The following NRAP variants were observed in gnomAD, a reference collection of about 807,000 sequenced individuals.
NRAP encodes the protein nebulin related anchoring protein.
Under a neutral mutation model 225.9 loss-of-function variants are expected in NRAP, and 189 were observed. The ratio of observed to expected loss-of-function variants is 0.84; its 90% CI spans 0.74 to 0.94. The LOEUF is 0.94. NRAP is among the 40% of genes least tolerant of loss of function. NRAP has a pLI of 0.00. For missense variants in NRAP, 2,176 were observed against 2,168.7 expected (o/e 1.00, Z -0.07); for synonymous variants, 769 against 790.7 (o/e 0.97, Z 0.46).
chr10:113,645,933 G>A lies in NRAP; in HGVS notation c.1002C>T (p.Tyr334=). 2 of 1,516,868 alleles carry A rather than the reference G, an allele frequency of 1.3e-6. No homozygotes were observed. The highest frequency in any genetic ancestry group is 2.1e-5 in the Admixed American group (1 of 46,748). 94.0% of individuals were successfully genotyped at this position (1,516,868 alleles called of 1,614,324 possible). Residue 334 remains tyrosine, a synonymous_variant, in exon 11 of 42, where the codon TAC becomes TAT. Coordinates refer to ENST00000359988, the MANE Select transcript of NRAP (RefSeq NM_198060.4). ...KAHELASDIK[Y]RQDFNKMKGA... is the part of the protein sequence containing the mutation. ...CTTTCATCTTATTGAAGTCCTGCCT[G>A]TATTTTATCTGAAAAAAAAAACACA...
At chr10:113,631,683 A>G in intron 17 of NRAP, 73 bp from the exon 18 acceptor site, 1 of 1,035,640 alleles carries the variant, frequency 9.7e-7, no homozygotes. Flanking sequence ...GGTTTTAACA[A>G]GTGCAAGGGG....
At chr10:113,663,481 C>G in intron 1 of NRAP, 35 bp from the exon 2 acceptor site, 3 of 1,273,250 alleles carry the variant, frequency 2.4e-6, no homozygotes, top group Non-Finnish European at 3.4e-6. Context: ...AGCAATTACC[C>G]TTTTCCCCCC....
At chr10:113,645,247 C>T (rs1035949330) in intron 11 of NRAP, among the ~76,000 whole-genome samples, 1 of 152,198 alleles carries the variant, frequency 6.6e-6, no homozygotes, top group African/African-American at 2.4e-5. Context: ...TGTTGCCTGG[C>T]ACTTTTGAAT....
At chr10:113,610,750 G>A (rs1254681922) in intron 30 of NRAP, among the ~76,000 whole-genome samples, 187 bp from the exon 31 acceptor site, 1 of 152,102 alleles carries the variant, frequency 6.6e-6, no homozygotes, top group Admixed American at 6.6e-5. Flanking sequence ...ATGCTCACTA[G>A]GGGGGAAGCA....
chr10:113,612,242 G>C lies in NRAP; in HGVS notation c.3490C>G (p.Gln1164Glu). 1 of 1,613,878 alleles carries C rather than the reference G, an allele frequency of 6.2e-7. No individual in the cohort carries two copies. Among genetic ancestry groups the C allele is most frequent in the Non-Finnish European group, 8.5e-7 (1 of 1,179,828 alleles). The change falls in exon 30 of 42, where the codon CAG (glutamine) becomes GAG (glutamate). Residue 1164 changes from glutamine to glutamate, a missense_variant. Transcript: ENST00000359988. Reference sequence around the variant, plus strand: ...AGGCCAGGTCTCCTTACCTCACTCTGCAATTTGTGAGCTTTCTTGGCACAG... The same window carrying C: ...AGGCCAGGTCTCCTTACCTCACTCTCCAATTTGTGAGCTTTCTTGGCACAG... ...LSCAKKAHKL[Q>E]SENLYRSDLN...
At position 113,617,548 on chromosome 10, in the gene NRAP, C is replaced by T. The variant is rs752512502; in HGVS notation, c.2880G>A (p.Lys960=). The T allele has an allele frequency of 6.3e-7, 1 of 1,599,500 alleles. No homozygotes were observed. Among genetic ancestry groups the T allele is most frequent in the Non-Finnish European group, 8.6e-7 (1 of 1,166,730 alleles). Reference sequence around the variant, plus strand: ...TCAAAGCATCTGGATGCTGACGGTACTTCTTCTGTTGAGCAGAAAAAGATC... The same window carrying T: ...TCAAAGCATCTGGATGCTGACGGTATTTCTTCTGTTGAGCAGAAAAAGATC... ...KKAGELISEK[K]YRQHPDALKF... is the part of the protein sequence containing the mutation. Residue 960 remains lysine, a synonymous_variant, in exon 26 of 42, where the codon AAG becomes AAA. Coordinates refer to ENST00000359988, the MANE Select transcript of NRAP (RefSeq NM_198060.4).
chr10:113,637,006 CAAAAAAA>C (rs59937257), intron 14 of NRAP, among the ~76,000 whole-genome samples: 1 of 89,266 alleles, frequency 1.1e-5, no homozygotes, highest in African/African-American at 4.3e-5. Flanking sequence ...GACTTCATCT[CAAAAAAA>C]AAAAAAAAAA....
At chr10:113,637,814 C>T (rs1352445043) in intron 14 of NRAP, among the ~76,000 whole-genome samples, 3 of 151,716 alleles carry the variant, frequency 2.0e-5, no homozygotes, top group East Asian at 1.9e-4. Flanking sequence ...CCCAGCTACT[C>T]GGGAGGCTGA....
At chr10:113,598,381 T>C (rs1370904714) in intron 35 of NRAP, among the ~76,000 whole-genome samples, 1 of 151,342 alleles carries the variant, frequency 6.6e-6, no homozygotes, top group African/African-American at 2.4e-5. Context: ...TATATGCTCA[T>C]ATCTAAGCAC....
At position 113,650,138 on chromosome 10, in the gene NRAP, T is replaced by C; in HGVS notation, c.787A>G (p.Arg263Gly). ...TCTTTTTGATATTGTTGATGGTACC[T>C]CACCTGTTTTAAGGCAAAGGACAAA... is the stretch of plus-strand genomic sequence containing the variant. ...KRANELASDV[R>G]YHQQYQKEMR... is the part of the protein sequence containing the mutation. The change falls in exon 9 of 42, where the codon AGG (arginine) becomes GGG (glycine). Residue 263 changes from arginine (R) to glycine (G), a missense_variant. By Grantham distance (125) the Arg-to-Gly change is moderately radical. Coordinates refer to ENST00000359988, the MANE Select transcript of NRAP (RefSeq NM_198060.4). 2 of 1,590,270 alleles carry C rather than the reference T, an allele frequency of 1.3e-6. No homozygotes were observed. The highest frequency in any genetic ancestry group is 1.7e-6 in the Non-Finnish European group (2 of 1,158,754).
Position 113,612,435 on chromosome 10 carries a change from G to T in NRAP, c.3301-4C>A. On this transcript the variant is annotated splice_region_variant and splice_polypyrimidine_tract_variant and intron_variant, in intron 29 of 41. Transcript: ENST00000359988. ...CAAAGCCTTTCTTGTAATTCACCTA[G>T]AGGGGCAGACAGAGCAACAGCAGCT... 6.2e-7 allele frequency: 1 copy of T among 1,613,404 alleles called. No individual in the cohort carries two copies. Among genetic ancestry groups the T allele is most frequent in the South Asian group, 1.1e-5 (1 of 91,036 alleles).
At chr10:113,592,930 TTC>T (rs1846077441) in intron 38 of NRAP, among the ~76,000 whole-genome samples, 1 of 152,238 alleles carries the variant, frequency 6.6e-6, no homozygotes, top group African/African-American at 2.4e-5. Flanking sequence ...CTTTCATTTT[TTC>T]CCTTTTCAAG....
chr10:113,661,677 C>T (rs773453210), intron 3 of NRAP, among the ~76,000 whole-genome samples: 1 of 152,108 alleles, frequency 6.6e-6, no homozygotes, highest in Non-Finnish European at 1.5e-5. Context: ...GACAAAACTC[C>T]ACTATTAGAT....
Position 113,605,216 on chromosome 10 carries a change from C to T in NRAP, c.3916-296G>A, listed in dbSNP as rs567709351. On this transcript the variant is annotated intron_variant, in intron 34 of 41. Transcript: ENST00000359988. ...AAGAGAAACTTGTGCTTTATCCGTT[C>T]GCACTTGGCAAAACATTAAACCCAA... Among the ~76,000 whole-genome samples the T allele has an allele frequency of 5.3e-5, 8 of 152,212 alleles. 1 individual carries two copies. Among genetic ancestry groups the T allele is most frequent in the African/African-American group, 1.7e-4 (7 of 41,458 alleles).
chr10:113,646,440 G>T (rs1328399790), intron 10 of NRAP, among the ~76,000 whole-genome samples: 1 of 152,226 alleles, frequency 6.6e-6, no homozygotes, highest in Non-Finnish European at 1.5e-5. Context: ...GTTCTGTTGA[G>T]ACCAAGTTCC....
At chr10:113,590,527 G>A (rs71483198) in intron 40 of NRAP, 51 bp downstream of exon 40, 1 of 1,556,724 alleles carries the variant, frequency 6.4e-7, no homozygotes, top group East Asian at 2.3e-5. Context: ...CCATCTCTTA[G>A]GAAGAGGCAC....
At chr10:113,592,103 TG>T (rs1420758878) in intron 39 of NRAP, 90 bp downstream of exon 39, 1 of 645,230 alleles carries the variant, frequency 1.5e-6, no homozygotes, top group Non-Finnish European at 2.6e-6. Context: ...GAGATAATCT[TG>T]ACAGGTCCTG....
rs1182188330 is a variant in NRAP, at chr10:113,620,673, G to A, written c.2805C>T (p.Gly935=). The A allele has an allele frequency of 6.2e-7, 1 of 1,612,816 alleles. No individual in the cohort carries two copies. Among genetic ancestry groups the A allele is most frequent in the Non-Finnish European group, 8.5e-7 (1 of 1,179,462 alleles). The change falls in exon 25 of 42, where the codon GGC becomes GGT. Residue 935 remains glycine (G), a synonymous_variant. Transcript: ENST00000359988. The stretch of plus-strand genomic sequence containing the variant: ...ATGACCCGGTGGCGACCCAGCCCAT[G>A]CCTTTCATCCACTTCACATCTGCCC... ...QYRADVKWMK[G]MGWVATGSLN...
rs1406194104 is a variant in NRAP, at chr10:113,643,047, T to G, written c.1111-9A>C. 1.5e-6 allele frequency: 2 copies of G among 1,347,046 alleles called. No individual in the cohort carries two copies. The highest frequency in any genetic ancestry group is 2.9e-5 in the African/African-American group (2 of 69,878). The allele number at this position is 1,347,046 out of a possible 1,614,324, so 83.4% of individuals were successfully genotyped here. The stretch of plus-strand genomic sequence containing the variant: ...TCCTTCTTATACTCCACCTTGGAAA[T>G]CAAAACACCAGACACACAATAGAAC... On this transcript the variant is annotated splice_polypyrimidine_tract_variant and intron_variant, in intron 11 of 41. Transcript: ENST00000359988.
Sources: allele counts gnomAD v4.1 joint callset (sites outside exome capture counted in the v4.1 genomes callset), GRCh38; gene constraint gnomAD v4.1.1; transcripts MANE v1.5; gene names NCBI Gene and HGNC (gene_info 2026-07-23, HGNC 2026-07-21).